PTPN14: variants seen among roughly 807,000 people sequenced by gnomAD.
PTPN14 encodes the protein tyrosine-protein phosphatase non-receptor type 14.
Under a neutral mutation model 126.8 loss-of-function variants are expected in PTPN14, and 53 were observed. The ratio of observed to expected loss-of-function variants is 0.42; its 90% CI spans 0.34 to 0.53. The LOEUF is 0.53. Among genes scored for constraint, PTPN14 ranks in the 20% least tolerant of loss-of-function variants. The pLI is 0.08. For synonymous variants in PTPN14, 630 were observed against 599.3 expected (o/e 1.05, Z -0.75); for missense variants, 1,257 against 1,552.9 (o/e 0.81, Z 3.20).
chr1:214,378,173 C>T, intron 13 of PTPN14, 71 bp from the exon 14 acceptor site: 1 of 1,482,502 alleles, frequency 6.7e-7, no homozygotes, highest in Non-Finnish European at 9.1e-7. Context: ...TTTTAATCTC[C>T]TCAAATCTGT....
intron 3 of PTPN14, among the ~76,000 whole-genome samples, chr1:214,436,982 A>C (rs929555040): frequency 4.7e-5 from 7 of 148,996 alleles, no homozygotes; most frequent in Non-Finnish European, 7.4e-5. Flanking sequence ...AATTAAGATA[A>C]CTGCTATCTA....
chr1:214,463,954 G>A (rs1220764000), intron 2 of PTPN14, among the ~76,000 whole-genome samples: 1 of 152,166 alleles, frequency 6.6e-6, no homozygotes, highest in Non-Finnish European at 1.5e-5. Flanking sequence ...AGAAGGGCTT[G>A]GCTGTCAAAA....
Position 214,451,815 on chromosome 1 carries a change from C to T in PTPN14, c.334G>A (p.Glu112Lys). 1.2e-6 allele frequency: 2 copies of T among 1,614,094 alleles called. No individual in the cohort carries two copies. The highest frequency in any genetic ancestry group is 2.2e-5 in the East Asian group (1 of 44,878). Residue 112 changes from glutamate to lysine, a missense_variant, in exon 3 of 19, where the codon GAG becomes AAG. Glu to Lys is a moderately conservative substitution (Grantham distance 56, BLOSUM62 1). Transcript: ENST00000366956. Reference sequence around the variant, plus strand: ...GGAAAATGCACCTACCTTGTGGCCTCTTGCTGAAGCCATGACACATTTGGC... The same window carrying T: ...GGAAAATGCACCTACCTTGTGGCCTTTTGCTGAAGCCATGACACATTTGGC... Reference protein sequence around the residue: ...YVPNVSWLQQEATRYQYYLQV... With the variant: ...YVPNVSWLQQKATRYQYYLQV...
intron 9 of PTPN14, among the ~76,000 whole-genome samples, chr1:214,394,125 T>C (rs1441134558): frequency 2.0e-5 from 3 of 152,198 alleles, no homozygotes; most frequent in South Asian, 2.1e-4. Flanking sequence ...ACTTCTTAAA[T>C]TGGAGGCAGT....
intron 9 of PTPN14, among the ~76,000 whole-genome samples, chr1:214,394,599 G>C (rs1327266956): frequency 6.6e-6 from 1 of 152,080 alleles, no homozygotes; most frequent in African/African-American, 2.4e-5. Flanking sequence ...GTAGAGATGG[G>C]GTTTCGCCAT....
intron 1 of PTPN14, among the ~76,000 whole-genome samples, chr1:214,518,051 G>GT (rs1655152876): frequency 6.6e-6 from 1 of 152,100 alleles, no homozygotes; most frequent in Admixed American, 6.6e-5. Context: ...CAATGCGTTG[G>GT]TATCTTTTCA....
intron 13 of PTPN14, among the ~76,000 whole-genome samples, chr1:214,382,979 A>G (rs1292260632): frequency 6.6e-6 from 1 of 152,186 alleles, no homozygotes; most frequent in African/African-American, 2.4e-5. Context: ...TTCCTTCAAG[A>G]AAACAAAACA....
chr1:214,397,782 C>T (rs1430936303), intron 8 of PTPN14, 131 bp downstream of exon 8: 2 of 700,040 alleles, frequency 2.9e-6, no homozygotes, highest in Non-Finnish European at 4.7e-6. Context: ...GAGGGCTCAC[C>T]TTATATGAGC....
rs200455156 is a variant in PTPN14, at chr1:214,378,069, C to T, written c.2578G>A (p.Ala860Thr). ...LEKQKMAGLE[A>T]QKRPLMLAAL... ...GCCAACATCAGCGGCCTCTTCTGTGCCTCCAGGCCTGCCATCTTCTGCTTC... is the reference window on the plus strand; with the variant it reads ...GCCAACATCAGCGGCCTCTTCTGTGTCTCCAGGCCTGCCATCTTCTGCTTC... Residue 860 changes from alanine (A) to threonine (T), a missense_variant, in exon 14 of 19, where the codon GCA becomes ACA. Ala to Thr is a moderately conservative substitution (Grantham distance 58, BLOSUM62 0). Around this residue, in one of 3 missense-constraint regions of PTPN14, gnomAD observed 1,021 missense variants for 1,183.3 expected, o/e 0.86. Coordinates refer to ENST00000366956, the MANE Select transcript of PTPN14 (RefSeq NM_005401.5). The T allele has an allele frequency of 2.4e-5, 39 of 1,611,534 alleles. No individual in the cohort carries two copies. The highest frequency in any genetic ancestry group is 3.2e-5 in the Non-Finnish European group (38 of 1,179,828).
Position 214,480,562 on chromosome 1 carries a change from C to A in PTPN14, c.-154-15605G>T, listed in dbSNP as rs143396581. Among the ~76,000 whole-genome samples the A allele has an allele frequency of 2.6e-3, 403 of 152,294 alleles. 3 individuals are homozygous for A. Among genetic ancestry groups the A allele is most frequent in the African/African-American group, 9.2e-3 (381 of 41,572 alleles). ...ATCCAGTCTGTAACAAATAGGTGAA[C>A]TGTGAATCTTAGGCATGGCCCTGGG... On this transcript the variant is annotated intron_variant, in intron 1 of 18. Coordinates refer to ENST00000366956, the MANE Select transcript of PTPN14 (RefSeq NM_005401.5).
chr1:214,532,255 C>T, intron 1 of PTPN14: 1 of 432,844 alleles, frequency 2.3e-6, no homozygotes, highest in Non-Finnish European at 4.4e-6. Context: ...CTCTGTCCAG[C>T]CGCCCAGCTG....
At chr1:214,382,431 C>G (rs565357283) in intron 13 of PTPN14, among the ~76,000 whole-genome samples, 2 of 152,304 alleles carry the variant, frequency 1.3e-5, no homozygotes, top group South Asian at 2.1e-4. Flanking sequence ...AAGCGATCCT[C>G]CCACCTCAGC....
chr1:214,512,436 C>T (rs958116784), intron 1 of PTPN14, among the ~76,000 whole-genome samples: 10 of 152,100 alleles, frequency 6.6e-5, no homozygotes, highest in Admixed American at 5.9e-4. Flanking sequence ...ACAACTGACA[C>T]AATCAGTCAG....
At position 214,376,267 on chromosome 1, in the gene PTPN14, T is replaced by C. The variant is rs753599035; in HGVS notation, c.2859A>G (p.Ile953Met). The C allele has an allele frequency of 3.8e-5, 62 of 1,614,106 alleles. No homozygotes were observed. The Admixed American group carries it at 9.8e-4, about 26-fold the overall frequency. ...ATCCTGTGTTATTTTCTTTGGTTGGTATCAGCTCTACTCGATTCTCCTCAT... is the reference window on the plus strand; with the variant it reads ...ATCCTGTGTTATTTTCTTTGGTTGGCATCAGCTCTACTCGATTCTCCTCAT... ...VPYEENRVEL[I>M]PTKENNTGYI... Residue 953 changes from isoleucine (I) to methionine (M), a missense_variant, in exon 15 of 19, where the codon ATA becomes ATG. This residue lies in a region of PTPN14 where 65 missense variants were observed against 139.7 expected (regional missense o/e 0.47). Transcript: ENST00000366956.
intron 17 of PTPN14, among the ~76,000 whole-genome samples, chr1:214,369,087 G>A (rs1203205984): frequency 1.3e-5 from 2 of 152,098 alleles, no homozygotes. Flanking sequence ...TCATATAAGT[G>A]GAATCACATA....
At chr1:214,486,312 T>A (rs1013909240) in intron 1 of PTPN14, among the ~76,000 whole-genome samples, 4 of 152,168 alleles carry the variant, frequency 2.6e-5, no homozygotes, top group African/African-American at 9.7e-5. Flanking sequence ...TAAATCAAAC[T>A]TTACAGAGTC....
At chr1:214,510,579 C>A (rs1372936721) in intron 1 of PTPN14, among the ~76,000 whole-genome samples, 1 of 152,174 alleles carries the variant, frequency 6.6e-6, no homozygotes, top group African/African-American at 2.4e-5. Context: ...TCAGATGGTT[C>A]AGCTTTCTGA....
rs780310335 is a variant in PTPN14 at position 214,401,725 on chromosome 1, T to C, written c.629A>G (p.Glu210Gly). 3 of 1,596,058 alleles carry C rather than the reference T, an allele frequency of 1.9e-6. No individual in the cohort carries two copies. The highest frequency in any genetic ancestry group is 2.6e-6 in the Non-Finnish European group (3 of 1,164,308). The change falls in exon 7 of 19, where the codon GAA becomes GGA. Residue 210 changes from glutamate to glycine, a missense_variant. This residue lies in a region of PTPN14 where 1,021 missense variants were observed against 1,183.3 expected (regional missense o/e 0.86). Transcript: ENST00000366956. ...EAELMYINEVERLDGFGQEIF... is the reference protein window; with the variant it reads ...EAELMYINEVGRLDGFGQEIF... ...TTCCTGTCCAAATCCATCCAAACGT[T>C]CAACTTCATTGATGTACATCAGTTC...
intron 8 of PTPN14, among the ~76,000 whole-genome samples, chr1:214,396,836 T>G (rs1658890460): frequency 1.3e-5 from 2 of 152,242 alleles, no homozygotes; most frequent in Non-Finnish European, 2.9e-5. Context: ...CTGGTAGGAC[T>G]CAATGCCTGG....
Sources: gnomAD v4.1 joint callset for allele counts (sites outside exome capture counted in the v4.1 genomes callset) on GRCh38, gnomAD v4.1.1 for gene constraint, gnomAD v4.1.1 regional missense constraint, MANE v1.5 for transcripts, NCBI Gene and HGNC (gene_info 2026-07-23, HGNC 2026-07-21) for gene names.